HS6ST2: variants seen among roughly 807,000 people sequenced by gnomAD.
HS6ST2 encodes heparan sulfate 6-O-sulfotransferase 2, also known as heparan-sulfate 6-O-sulfotransferase 2.
A neutral mutation model predicts 33.0 loss-of-function variants in HS6ST2; 17 were observed. The ratio of observed to expected loss-of-function variants is 0.52; its 90% confidence interval spans 0.35 to 0.77. The LOEUF (loss-of-function observed/expected upper bound fraction) is 0.77. Ranked by LOEUF, HS6ST2 falls within the 30% of genes least tolerant of loss-of-function variation. HS6ST2 has a pLI of 0.01. For synonymous variants in HS6ST2, 248 were observed against 237.1 expected, an observed-to-expected ratio of 1.05 and a Z score of -0.42; for missense variants, 519 against 551.7, an observed-to-expected ratio of 0.94 and a Z score of 0.59.
intron 2 of HS6ST2, among the ~76,000 whole-genome samples, chrX:132,857,680 G>A (rs1020046514): frequency 3.6e-5 from 4 of 111,240 alleles, no homozygotes; most frequent in African/African-American, 1.3e-4. Context: ...ACTTGGTCCG[G>A]AGAAGGAAGT....
intron 2 of HS6ST2, among the ~76,000 whole-genome samples, chrX:132,780,425 G>A (rs1235228794): frequency 1.8e-5 from 2 of 110,970 alleles, no homozygotes; most frequent in Non-Finnish European, 3.8e-5. Flanking sequence ...ACTATGCCAG[G>A]CACTTTGCAT....
intron 2 of HS6ST2, among the ~76,000 whole-genome samples, chrX:132,730,182 T>C (rs2064442921): frequency 8.9e-6 from 1 of 111,861 alleles, no homozygotes; most frequent in South Asian, 3.8e-4. Context: ...GGAGCTTCTC[T>C]TCCCTTACAC....
In HS6ST2 at chrX:132,765,083, G is replaced by A. The variant is rs976701084; in HGVS notation, c.948-56589C>T. On this transcript the variant is annotated intron_variant, in intron 2 of 4. Transcript: ENST00000370833. ...GTGCTAAGCACTGGGTAAGACCTGG[G>A]CCACGGTGTATGAGTTGGGGTGCAG... Among the ~76,000 whole-genome samples the A allele has an allele frequency of 5.3e-5, 6 of 112,277 alleles. No homozygotes were observed. In the Admixed American group the frequency reaches 5.7e-4, roughly 11 times the overall value.
intron 2 of HS6ST2, among the ~76,000 whole-genome samples, chrX:132,937,950 G>A (rs182559718): frequency 1.0e-4 from 11 of 108,735 alleles, no homozygotes; most frequent in Admixed American, 5.9e-4. Flanking sequence ...CCTCCTGAGC[G>A]CAGGAGTTTG....
chrX:132,780,650 C>A (rs1288286621), intron 2 of HS6ST2, among the ~76,000 whole-genome samples: 2 of 111,547 alleles, frequency 1.8e-5, no homozygotes, highest in African/African-American at 6.5e-5. Context: ...TCATCTGTTA[C>A]ATGATGAAAA....
At chrX:132,828,693 TACAC>T (rs779585327) in intron 2 of HS6ST2, among the ~76,000 whole-genome samples, 6,408 of 72,732 alleles carry the variant, frequency 0.088, 474 homozygotes, top group East Asian at 0.24. Flanking sequence ...TATATATATA[TACAC>T]ACACACACAC....
chrX:132,947,955 A>G (rs975288768), intron 2 of HS6ST2, among the ~76,000 whole-genome samples: 1 of 112,046 alleles, frequency 8.9e-6, no homozygotes, highest in African/African-American at 3.2e-5. Flanking sequence ...ATTTGCAGTT[A>G]TTAGTACAGT....
At chrX:132,702,176 T>C (rs1043724540) in intron 3 of HS6ST2, among the ~76,000 whole-genome samples, 68 of 112,560 alleles carry the variant, frequency 6.0e-4, no homozygotes, top group African/African-American at 2.2e-3. Flanking sequence ...AACAACTAAT[T>C]GTACTACTTT....
intron 2 of HS6ST2, among the ~76,000 whole-genome samples, chrX:132,894,942 G>A (rs2066360092): frequency 8.9e-6 from 1 of 112,356 alleles, no homozygotes; most frequent in Non-Finnish European, 1.9e-5. Flanking sequence ...AGGAAGTCCA[G>A]TTTCACATGA....
intron 2 of HS6ST2, among the ~76,000 whole-genome samples, chrX:132,710,931 C>T (rs922557154): frequency 6.3e-5 from 7 of 111,669 alleles, no homozygotes; most frequent in Non-Finnish European, 1.1e-4. Flanking sequence ...GGCTGACACT[C>T]TAAGATGGGA....
At chrX:132,773,067 T>C (rs1221804033) in intron 2 of HS6ST2, among the ~76,000 whole-genome samples, 1 of 94,976 alleles carries the variant, frequency 1.1e-5, no homozygotes, top group East Asian at 3.1e-4. Flanking sequence ...TAACATAAAC[T>C]TTCATATTTA....
At chrX:132,761,721 C>T (rs2064807030) in intron 2 of HS6ST2, among the ~76,000 whole-genome samples, 1 of 112,164 alleles carries the variant, frequency 8.9e-6, no homozygotes, top group Non-Finnish European at 1.9e-5. Context: ...TGGCTACAGT[C>T]ACAGCCTTTG....
chrX:132,894,442 G>A (rs895937102), intron 2 of HS6ST2, among the ~76,000 whole-genome samples: 3 of 108,734 alleles, frequency 2.8e-5, no homozygotes, highest in Non-Finnish European at 5.7e-5. Flanking sequence ...TGCCAGGCCC[G>A]GGTTTCAGAT....
At chrX:132,689,982 CA>C (rs2064049944) in intron 3 of HS6ST2, among the ~76,000 whole-genome samples, 1 of 111,208 alleles carries the variant, frequency 9.0e-6, no homozygotes, top group African/African-American at 3.3e-5. Flanking sequence ...CCAGGGAAAC[CA>C]AAAGATTGGC....
At chrX:132,911,773 G>C (rs997050809) in intron 2 of HS6ST2, among the ~76,000 whole-genome samples, 4 of 110,296 alleles carry the variant, frequency 3.6e-5, no homozygotes, top group African/African-American at 9.9e-5. Context: ...GAGTAGCTGG[G>C]ACTACAGGTG....
intron 2 of HS6ST2, among the ~76,000 whole-genome samples, chrX:132,956,329 A>C (rs1404267754): frequency 9.5e-6 from 1 of 105,050 alleles, no homozygotes; most frequent in Non-Finnish European, 2.0e-5. Flanking sequence ...AGAACAAGGC[A>C]AATAGACGAA....
intron 2 of HS6ST2, 59 bp downstream of exon 2, chrX:132,956,749 C>T: frequency 2.7e-6 from 3 of 1,097,738 alleles, no homozygotes; most frequent in Non-Finnish European, 2.4e-6. Context: ...GCCAGCCGCG[C>T]CTCCCAGCCC....
chrX:132,822,165 G>A (rs998379476), intron 2 of HS6ST2, among the ~76,000 whole-genome samples: 1 of 111,624 alleles, frequency 9.0e-6, no homozygotes, highest in African/African-American at 3.3e-5. Flanking sequence ...AAGTCAGAAA[G>A]TTAATAAGTG....
At chrX:132,705,506 T>A (rs2064182827) in intron 3 of HS6ST2, among the ~76,000 whole-genome samples, 1 of 111,550 alleles carries the variant, frequency 9.0e-6, no homozygotes, top group Non-Finnish European at 1.9e-5. Context: ...AGATTAAATA[T>A]ACTATTGAGT....
Sources: gnomAD v4.1 joint callset for allele counts (sites outside exome capture counted in the v4.1 genomes callset) on GRCh38, gnomAD v4.1.1 for gene constraint, MANE v1.5 for transcripts, NCBI Gene and HGNC (gene_info 2026-07-23, HGNC 2026-07-21) for gene names.